The following PARP8 variants were observed in gnomAD, a reference collection of about 807,000 sequenced individuals.
PARP8 encodes the protein protein mono-ADP-ribosyltransferase PARP8.
Under a neutral mutation model 124.1 loss-of-function variants are expected in PARP8, and 51 were observed. The ratio of observed to expected loss-of-function variants is 0.41; its 90% CI spans 0.33 to 0.52. The LOEUF is 0.52. Ranked by LOEUF, PARP8 falls within the 20% of genes least tolerant of loss-of-function variation. The pLI, the probability that PARP8 is intolerant of heterozygous loss-of-function variation, is 0.21. For missense variants in PARP8, 860 were observed against 1,018.9 expected (o/e 0.84, Z 2.12); for synonymous variants, 391 against 361.5 (o/e 1.08, Z -0.93).
intron 14 of PARP8, among the ~76,000 whole-genome samples, chr5:50,809,712 G>GTT (rs1744229863): frequency 6.6e-6 from 1 of 151,906 alleles, no homozygotes; most frequent in Non-Finnish European, 1.5e-5. Flanking sequence ...ACTTTTATCT[G>GTT]TTTTGTATAT....
At chr5:50,691,485 C>G (rs1339553148) in intron 2 of PARP8, among the ~76,000 whole-genome samples, 2 of 152,030 alleles carry the variant, frequency 1.3e-5, no homozygotes, top group African/African-American at 4.8e-5. Flanking sequence ...ATTCCTAGGC[C>G]CCTTTTATAG....
chr5:50,801,112 T>TTA lies in PARP8; in HGVS notation c.1575+3893_1575+3894dup, dbSNP rs376953446. Among the ~76,000 whole-genome samples the TTA allele has an allele frequency of 7.1e-3, 1,066 of 151,074 alleles. 26 individuals carry two copies. In the East Asian group the frequency reaches 0.074, roughly 11 times the overall value. The stretch of plus-strand genomic sequence containing the variant: ...TTTATTAGTTATAGGGCTATCCAAA[T>TTA]TATATATATATATATTTTTGAGATG... On this transcript the variant is annotated intron_variant, in intron 14 of 25. Coordinates refer to ENST00000281631, the MANE Select transcript of PARP8 (RefSeq NM_024615.4).
chr5:50,697,477 A>G (rs1034027338), intron 2 of PARP8, among the ~76,000 whole-genome samples: 4 of 152,246 alleles, frequency 2.6e-5, no homozygotes, highest in African/African-American at 9.6e-5. Context: ...AATTTCAGAA[A>G]GAATCCAAAT....
chr5:50,802,494 A>T (rs1276163289), intron 14 of PARP8, among the ~76,000 whole-genome samples: 1 of 152,026 alleles, frequency 6.6e-6, no homozygotes, highest in East Asian at 1.9e-4. Context: ...AATCTTTAAA[A>T]AAGTTTTTTG....
In PARP8 at chr5:50,688,387, C is replaced by A. The variant is rs114911232; in HGVS notation, c.146+20262C>A. Among the ~76,000 whole-genome samples, 97 of 152,318 alleles carry A rather than the reference C, an allele frequency of 6.4e-4. 1 individual carries two copies. The highest frequency in any genetic ancestry group is 2.3e-3 in the African/African-American group (95 of 41,564). On this transcript the variant is annotated intron_variant, in intron 2 of 25. Coordinates refer to ENST00000281631, the MANE Select transcript of PARP8 (RefSeq NM_024615.4). ...TGCTGTTAGTATTTCTATCATGAAC[C>A]TCACAGATCCCTGGTGAGCAGGCAT...
intron 2 of PARP8, among the ~76,000 whole-genome samples, chr5:50,733,724 A>G (rs1246832006): frequency 1.3e-5 from 2 of 152,156 alleles, no homozygotes; most frequent in African/African-American, 2.4e-5. Context: ...GTAAAATCTA[A>G]TGTTTTTACA....
intron 7 of PARP8, 34 bp downstream of exon 7, chr5:50,763,276 T>G (rs570312576): frequency 6.7e-7 from 1 of 1,491,960 alleles, no homozygotes; most frequent in South Asian, 1.1e-5. Flanking sequence ...AAAATTAAAG[T>G]TTTATGGTAA....
intron 3 of PARP8, among the ~76,000 whole-genome samples, chr5:50,758,255 A>C (rs772725894): frequency 1.3e-5 from 2 of 152,186 alleles, no homozygotes; most frequent in Non-Finnish European, 2.9e-5. Flanking sequence ...ATGCTCCATG[A>C]AAATATTGGA....
At chr5:50,797,653 A>C (rs982519981) in intron 14 of PARP8, among the ~76,000 whole-genome samples, 1 of 152,196 alleles carries the variant, frequency 6.6e-6, no homozygotes, top group Non-Finnish European at 1.5e-5. Context: ...AAAGAGGTAC[A>C]CAGTAGTAGA....
At chr5:50,827,652 C>T (rs77012001) in intron 19 of PARP8, among the ~76,000 whole-genome samples, 2,340 of 152,208 alleles carry the variant, frequency 0.015, 63 homozygotes, top group African/African-American at 0.054. Flanking sequence ...TCTGCTTAAA[C>T]ATGATTGCAT....
At chr5:50,816,797 CTAAAATA>C (rs1338360277) in intron 15 of PARP8, among the ~76,000 whole-genome samples, 1 of 152,016 alleles carries the variant, frequency 6.6e-6, no homozygotes, top group Non-Finnish European at 1.5e-5. Flanking sequence ...TAGAGGGTTA[CTAAAATA>C]TATCTGACTA....
intron 2 of PARP8, among the ~76,000 whole-genome samples, chr5:50,741,546 A>G (rs1444225439): frequency 6.6e-6 from 1 of 152,198 alleles, no homozygotes; most frequent in African/African-American, 2.4e-5. Flanking sequence ...CATTTAACTT[A>G]CAGTGTAATA....
At chr5:50,757,184 T>C (rs1435729212) in intron 3 of PARP8, 1 of 455,896 alleles carries the variant, frequency 2.2e-6, no homozygotes, top group Admixed American at 2.3e-5. Context: ...TGGTTCCGTT[T>C]CCTGTGGATC....
intron 2 of PARP8, among the ~76,000 whole-genome samples, chr5:50,734,602 A>T (rs895791969): frequency 6.6e-6 from 1 of 152,154 alleles, no homozygotes; most frequent in Non-Finnish European, 1.5e-5. Context: ...CTTTAGAGCT[A>T]TATAATTCTC....
At chr5:50,781,452 G>A (rs1740662355) in intron 9 of PARP8, among the ~76,000 whole-genome samples, 1 of 152,206 alleles carries the variant, frequency 6.6e-6, no homozygotes, top group African/African-American at 2.4e-5. Flanking sequence ...TGTGTGAACA[G>A]TTCTCCCATT....
Position 50,739,980 on chromosome 5 carries a change from A to G in PARP8, c.147-10171A>G, listed in dbSNP as rs565408224. 3.3e-5 allele frequency among the ~76,000 whole-genome samples: 5 copies of G among 151,790 alleles called. No individual in the cohort carries two copies. In the South Asian group the frequency reaches 1.0e-3, roughly 32 times the overall value. On this transcript the variant is annotated intron_variant, in intron 2 of 25. Transcript: ENST00000281631. Reference sequence around the variant, plus strand: ...TGGCCAGGCTGGTCTTGAACTCCTGACCTCATGATCCACCCACCTTGGCCT... The same window carrying G: ...TGGCCAGGCTGGTCTTGAACTCCTGGCCTCATGATCCACCCACCTTGGCCT...
chr5:50,770,780 C>T (rs1253999885), intron 7 of PARP8, among the ~76,000 whole-genome samples: 1 of 151,914 alleles, frequency 6.6e-6, no homozygotes. Context: ...CTGTATGTAG[C>T]CTGAAAATCC....
chr5:50,675,993 A>T (rs1193942370), intron 2 of PARP8, among the ~76,000 whole-genome samples: 7 of 152,236 alleles, frequency 4.6e-5, no homozygotes, highest in African/African-American at 1.7e-4. Context: ...AAACTGTTTA[A>T]TTAGATATTA....
chr5:50,786,836 A>G (rs553483401), intron 9 of PARP8, among the ~76,000 whole-genome samples: 1 of 152,070 alleles, frequency 6.6e-6, no homozygotes, highest in Non-Finnish European at 1.5e-5. Context: ...ATTCAGCCTC[A>G]TGCCTTTATA....
Sources: gnomAD v4.1 joint callset for allele counts (sites outside exome capture counted in the v4.1 genomes callset) on GRCh38, gnomAD v4.1.1 for gene constraint, MANE v1.5 for transcripts, NCBI Gene and HGNC (gene_info 2026-07-23, HGNC 2026-07-21) for gene names.